ZC3H11A: variants seen among roughly 807,000 people sequenced by gnomAD.
The protein encoded by ZC3H11A is zinc finger CCCH-type containing 11A.
In ZC3H11A, 22 loss-of-function variants were observed where a neutral mutation model predicts 90.8. That is an observed-to-expected ratio of 0.24 (90% CI 0.17 to 0.35). The LOEUF (loss-of-function observed/expected upper bound fraction) is 0.35. ZC3H11A is among the 10% of genes least tolerant of loss of function. ZC3H11A has a pLI of 1.00. For synonymous variants in ZC3H11A, 294 were observed against 339.8 expected (o/e 0.87, Z 1.48); for missense variants, 701 against 964.9 (o/e 0.73, Z 3.62).
chr1:203,832,961 C>T (rs1043144620), intron 9 of ZC3H11A, among the ~76,000 whole-genome samples: 5 of 152,180 alleles, frequency 3.3e-5, no homozygotes, highest in Non-Finnish European at 7.3e-5. Context: ...AGGCTGTGCG[C>T]AGTGGCTTAC....
At chr1:203,827,057 A>G (rs1037682776) in intron 4 of ZC3H11A, among the ~76,000 whole-genome samples, 1 of 152,196 alleles carries the variant, frequency 6.6e-6, no homozygotes, top group Non-Finnish European at 1.5e-5. Flanking sequence ...ATGGAATGGT[A>G]TAGTATGCAC....
At chr1:203,831,102 G>A (rs1186943230) in intron 8 of ZC3H11A, among the ~76,000 whole-genome samples, 1 of 151,562 alleles carries the variant, frequency 6.6e-6, no homozygotes, top group Non-Finnish European at 1.5e-5. Context: ...GCGCCACCAC[G>A]CCTGGGTAAT....
At chr1:203,827,476 C>G (rs1156492689) in intron 4 of ZC3H11A, among the ~76,000 whole-genome samples, 2 of 151,150 alleles carry the variant, frequency 1.3e-5, no homozygotes, top group African/African-American at 4.9e-5. Context: ...GTCAGGAGAT[C>G]AAGACCATCC....
chr1:203,829,301 C>A, intron 5 of ZC3H11A, 150 bp from the exon 6 acceptor site: 1 of 744,626 alleles, frequency 1.3e-6, no homozygotes, highest in Non-Finnish European at 2.2e-6. Context: ...ACATCTTTTC[C>A]CTCCCTGGGA....
chr1:203,795,960 C>T (rs1413499741), intron 1 of ZC3H11A, 166 bp downstream of exon 1: 1 of 151,484 alleles, frequency 6.6e-6, no homozygotes, highest in African/African-American at 2.4e-5. Context: ...CCCCCCACCT[C>T]CCGGTCGCGG....
At chr1:203,837,868 C>G in intron 10 of ZC3H11A, 98 bp from the exon 11 acceptor site, 1 of 1,133,030 alleles carries the variant, frequency 8.8e-7, no homozygotes, top group Non-Finnish European at 1.3e-6. Flanking sequence ...ATGCAGAACA[C>G]TTAACAGAAT....
At position 203,808,210 on chromosome 1, in the gene ZC3H11A, T is replaced by A. The variant is rs559451382; in HGVS notation, c.-146+5194T>A. Among the ~76,000 whole-genome samples the A allele has an allele frequency of 2.0e-5, 3 of 152,152 alleles. 1 individual carries two copies. The East Asian group carries it at 5.8e-4, about 29-fold the overall frequency. On this transcript the variant is annotated intron_variant, in intron 2 of 17. Coordinates refer to ENST00000367210, the MANE Select transcript of ZC3H11A (RefSeq NM_001376342.1). ...GTTCTGAGCTATTTGTGAAATGTAG[T>A]TTGAAATTCTAAACTTAAAGGTCAT...
intron 1 of ZC3H11A, chr1:203,796,857 A>G (rs1157590471): frequency 6.2e-6 from 1 of 160,394 alleles, no homozygotes; most frequent in Non-Finnish European, 1.4e-5. Flanking sequence ...CCAGCCACTC[A>G]CATTTTAAAA....
intron 2 of ZC3H11A, among the ~76,000 whole-genome samples, chr1:203,807,662 G>A (rs2102559519): frequency 6.6e-6 from 1 of 152,164 alleles, no homozygotes; most frequent in Middle Eastern, 3.4e-3. Context: ...AAGTAGCTAG[G>A]ACCACAGATG....
intron 2 of ZC3H11A, among the ~76,000 whole-genome samples, chr1:203,804,766 A>G (rs11240539): frequency 0.19 from 28,502 of 148,526 alleles, 3,187 homozygotes; most frequent in East Asian, 0.45. Context: ...TCTGCCTTCC[A>G]GGTTCAAGTG....
chr1:203,831,604 T>C, intron 8 of ZC3H11A, 57 bp from the exon 9 acceptor site: 1 of 1,496,316 alleles, frequency 6.7e-7, no homozygotes, highest in Non-Finnish European at 9.2e-7. Context: ...ATTTTTTGAC[T>C]TGGGATAGCA....
intron 1 of ZC3H11A, chr1:203,798,551 G>C (rs970215585): frequency 3.3e-6 from 5 of 1,536,108 alleles, no homozygotes. Context: ...GTGATCTCTT[G>C]AGTGATACCT....
chr1:203,848,198 CA>C (rs2103414845), intron 13 of ZC3H11A, 132 bp from the exon 14 acceptor site: 4 of 751,144 alleles, frequency 5.3e-6, no homozygotes, highest in South Asian at 1.9e-5. Flanking sequence ...ACTTTAGGAG[CA>C]CAGATGGGCT....
chr1:203,815,724 C>T (rs999968924), intron 2 of ZC3H11A, among the ~76,000 whole-genome samples: 1 of 152,102 alleles, frequency 6.6e-6, no homozygotes, highest in African/African-American at 2.4e-5. Flanking sequence ...TCATGGCATA[C>T]CATTCTTGCA....
chr1:203,808,627 T>C (rs1673177552), intron 2 of ZC3H11A, among the ~76,000 whole-genome samples: 1 of 152,206 alleles, frequency 6.6e-6, no homozygotes, highest in Non-Finnish European at 1.5e-5. Flanking sequence ...TAGTGACATA[T>C]GTTGGCATTT....
chr1:203,807,984 C>G (rs770594908), intron 2 of ZC3H11A, among the ~76,000 whole-genome samples: 6 of 152,022 alleles, frequency 3.9e-5, no homozygotes, highest in Non-Finnish European at 5.9e-5. Flanking sequence ...TCAAGCAGTC[C>G]TCCTGTCTCG....
In ZC3H11A at chr1:203,802,730, T is replaced by TTTTTG. The variant is rs1553258300; in HGVS notation, c.-412_-408dup. 17 of 146,136 alleles carry TTTTTG rather than the reference T, an allele frequency of 1.2e-4. No individual in the cohort carries two copies. The highest frequency in any genetic ancestry group is 4.3e-4 in the South Asian group (2 of 4,604). 9.1% of individuals were successfully genotyped at this position (146,136 alleles called of 1,614,324 possible). On this transcript the variant is annotated 5_prime_UTR_variant, in exon 2 of 18. The change abolishes the stop of an existing upstream ORF in the 5' untranslated region. Transcript: ENST00000367210. ...AAATGAACTCTTTTTTTTTGTTTTT[T>TTTTTG]TTTTGTTTTGTTTTGTTTTGTTTTT... is the stretch of plus-strand genomic sequence containing the variant.
intron 3 of ZC3H11A, among the ~76,000 whole-genome samples, chr1:203,817,729 T>G (rs1437977660): frequency 6.6e-6 from 1 of 152,028 alleles, no homozygotes; most frequent in Non-Finnish European, 1.5e-5. Context: ...TAAAAAAATT[T>G]GTTCTTCAGT....
chr1:203,840,016 C>T (rs1174690115), intron 11 of ZC3H11A, among the ~76,000 whole-genome samples: 1 of 152,008 alleles, frequency 6.6e-6, no homozygotes, highest in African/African-American at 2.4e-5. Context: ...GTTGGCCAGG[C>T]TGGTCTTGAA....
Sources: allele counts gnomAD v4.1 joint callset (sites outside exome capture counted in the v4.1 genomes callset), GRCh38; gene constraint gnomAD v4.1.1; transcripts MANE v1.5; gene names NCBI Gene and HGNC (gene_info 2026-07-23, HGNC 2026-07-21).